Variants in DENND1A observed in about 807,000 individuals in gnomAD.
DENND1A encodes the protein DENN domain containing 1A, also known as DENN domain-containing protein 1A.
In DENND1A, 51 loss-of-function variants were observed where a neutral mutation model predicts 113.7. The ratio of observed to expected loss-of-function variants is 0.45; its 90% CI spans 0.36 to 0.57. The LOEUF (loss-of-function observed/expected upper bound fraction) is 0.57. Ranked by LOEUF, DENND1A falls within the 20% of genes least tolerant of loss-of-function variation. The probability of loss-of-function intolerance (pLI) is 0.00; values close to 1 mark genes in which losing one functional copy is unlikely to be tolerated. For missense variants in DENND1A, 1,258 were observed against 1,395.9 expected (o/e 0.90, Z 1.57); for synonymous variants, 565 against 570.8 (o/e 0.99, Z 0.14).
intron 6 of DENND1A, among the ~76,000 whole-genome samples, chr9:123,674,302 T>A (rs1353707591): frequency 1.3e-5 from 2 of 150,516 alleles, no homozygotes; most frequent in East Asian, 3.9e-4. Flanking sequence ...ACCCCATGCT[T>A]AGCCATCACA....
rs1185165903 is a variant in DENND1A at position 123,382,150 on chromosome 9, C to A, written c.2495G>T (p.Gly832Val). The A allele has an allele frequency of 1.9e-6, 3 of 1,603,824 alleles. No individual in the cohort carries two copies. The highest frequency in any genetic ancestry group is 2.6e-6 in the Non-Finnish European group (3 of 1,176,294). The stretch of plus-strand genomic sequence containing the variant: ...ACTGCTCGTGCCTGCAGCCCCGGGG[C>A]CAGGGCTGAGCGGCTGGAGCAGTTC... Reference protein sequence around the residue: ...PTELLQPLSPGPGAAGTSSDA... With the variant: ...PTELLQPLSPVPGAAGTSSDA... The change falls in exon 24 of 24, where the codon GGC becomes GTC. Residue 832 changes from glycine to valine, a missense_variant. Gly to Val is a moderately radical substitution (Grantham distance 109, BLOSUM62 -3). Coordinates refer to ENST00000394215, the MANE Select transcript of DENND1A (RefSeq NM_001352964.2).
chr9:123,888,051 G>A (rs900511839), intron 1 of DENND1A, among the ~76,000 whole-genome samples: 1 of 152,190 alleles, frequency 6.6e-6, no homozygotes, highest in South Asian at 2.1e-4. Context: ...CAACAGCAAT[G>A]AGCACACCTA....
intron 2 of DENND1A, among the ~76,000 whole-genome samples, chr9:123,869,731 T>C (rs1242243793): frequency 6.6e-6 from 1 of 152,132 alleles, no homozygotes; most frequent in African/African-American, 2.4e-5. Context: ...CCAGGTGCGG[T>C]GGCTCATGCC....
At chr9:123,905,811 C>T (rs1478588652) in intron 1 of DENND1A, among the ~76,000 whole-genome samples, 5 of 150,882 alleles carry the variant, frequency 3.3e-5, no homozygotes, top group African/African-American at 9.8e-5. Context: ...GACAGAAAGT[C>T]AACAAGGATA....
chr9:123,531,344 GT>G (rs2055281091), intron 13 of DENND1A, among the ~76,000 whole-genome samples: 1 of 151,886 alleles, frequency 6.6e-6, no homozygotes, highest in South Asian at 2.1e-4. Context: ...GCCTTCCTTA[GT>G]TTTTTACATT....
intron 12 of DENND1A, among the ~76,000 whole-genome samples, chr9:123,576,332 A>G (rs1427049128): frequency 2.0e-5 from 3 of 152,244 alleles, no homozygotes; most frequent in African/African-American, 7.2e-5. Flanking sequence ...CAAATGAGAA[A>G]GTAAATTTCT....
chr9:123,450,884 A>AT, intron 17 of DENND1A, 135 bp from the exon 18 acceptor site: 2 of 642,154 alleles, frequency 3.1e-6, no homozygotes, highest in South Asian at 4.3e-5. Flanking sequence ...CAAGTCGAAA[A>AT]CATAATGGCT....
At position 123,527,703 on chromosome 9, in the gene DENND1A, T is replaced by C. The variant is rs200731293; in HGVS notation, c.993+29867A>G. Among the ~76,000 whole-genome samples, 13 of 152,266 alleles carry C rather than the reference T, an allele frequency of 8.5e-5. No individual in the cohort carries two copies. In the East Asian group the frequency reaches 2.5e-3, roughly 29 times the overall value. On this transcript the variant is annotated intron_variant, in intron 13 of 23. Coordinates refer to ENST00000394215, the MANE Select transcript of DENND1A (RefSeq NM_001352964.2). The stretch of plus-strand genomic sequence containing the variant: ...CTATGCTTGTCATTTTCTGCACTGG[T>C]CTGACCCATTCCCTGCCATCAACCC...
intron 2 of DENND1A, among the ~76,000 whole-genome samples, chr9:123,822,389 T>A (rs753342783): frequency 6.6e-6 from 1 of 152,136 alleles, no homozygotes; most frequent in South Asian, 2.1e-4. Flanking sequence ...ATACAACATA[T>A]AGAAGTAAAA....
intron 13 of DENND1A, among the ~76,000 whole-genome samples, chr9:123,522,444 T>C (rs936587080): frequency 3.3e-5 from 5 of 152,234 alleles, no homozygotes; most frequent in African/African-American, 1.2e-4. Flanking sequence ...CTAGTGCTGT[T>C]CTATTCAATT....
At chr9:123,810,871 G>A (rs1836476506) in intron 2 of DENND1A, among the ~76,000 whole-genome samples, 1 of 150,758 alleles carries the variant, frequency 6.6e-6, no homozygotes. Flanking sequence ...TGATTCTCCT[G>A]CCTCAGCCTC....
At chr9:123,893,497 A>C (rs1850238643) in intron 1 of DENND1A, among the ~76,000 whole-genome samples, 1 of 151,906 alleles carries the variant, frequency 6.6e-6, no homozygotes. Context: ...CCCCCTACCA[A>C]CCCACATGCC....
intron 13 of DENND1A, among the ~76,000 whole-genome samples, chr9:123,525,475 A>G (rs1292584509): frequency 3.3e-5 from 5 of 152,190 alleles, no homozygotes; most frequent in African/African-American, 7.2e-5. Context: ...TCACCTGTAT[A>G]CTCGTGTAGG....
intron 13 of DENND1A, among the ~76,000 whole-genome samples, chr9:123,544,524 G>A (rs2056517550): frequency 6.6e-6 from 1 of 152,184 alleles, no homozygotes; most frequent in African/African-American, 2.4e-5. Context: ...ATTGTGGAGT[G>A]CAGTCAGAGA....
At chr9:123,486,699 G>GA (rs1218693838) in intron 13 of DENND1A, among the ~76,000 whole-genome samples, 2 of 152,148 alleles carry the variant, frequency 1.3e-5, no homozygotes, top group East Asian at 3.8e-4. Flanking sequence ...AAGCACCTTG[G>GA]TGAAACCATC....
intron 9 of DENND1A, among the ~76,000 whole-genome samples, chr9:123,634,410 A>G (rs1470616432): frequency 1.4e-4 from 21 of 152,244 alleles, no homozygotes; most frequent in South Asian, 8.3e-4. Flanking sequence ...TTACTTAAGG[A>G]CAGTCAGTTG....
chr9:123,478,081 C>G (rs1039378092), intron 13 of DENND1A, among the ~76,000 whole-genome samples: 3 of 152,196 alleles, frequency 2.0e-5, no homozygotes, highest in Non-Finnish European at 4.4e-5. Flanking sequence ...TTTCTAGAAC[C>G]TGGATTTATG....
At chr9:123,607,621 G>A (rs1325910236) in intron 11 of DENND1A, among the ~76,000 whole-genome samples, 4 of 144,138 alleles carry the variant, frequency 2.8e-5, no homozygotes, top group African/African-American at 1.0e-4. Context: ...GGAGACATCC[G>A]TAGTACATCC....
intron 19 of DENND1A, among the ~76,000 whole-genome samples, chr9:123,417,586 T>C (rs2044841925): frequency 6.6e-6 from 1 of 152,208 alleles, no homozygotes; most frequent in South Asian, 2.1e-4. Flanking sequence ...ATTTCCAAAG[T>C]CACCTGGAAT....
Sources: allele counts gnomAD v4.1 joint callset (sites outside exome capture counted in the v4.1 genomes callset), GRCh38; gene constraint gnomAD v4.1.1; transcripts MANE v1.5; gene names NCBI Gene and HGNC (gene_info 2026-07-23, HGNC 2026-07-21).